Variants in USP26 observed in about 807,000 individuals in gnomAD.
USP26 encodes the protein ubiquitin specific peptidase 26.
For missense variants in USP26, 649 were observed against 642.3 expected (o/e 1.01, Z -0.11); for synonymous variants, 236 against 240.6 (o/e 0.98, Z 0.18).
At chrX:133,046,212 T>C (rs767477522) in intron 5 of USP26, among the ~76,000 whole-genome samples, 1 of 111,978 alleles carries the variant, frequency 8.9e-6, no homozygotes, top group East Asian at 2.8e-4. Context: ...GCATTTTCAT[T>C]TCCAAGGTAA....
At chrX:133,093,867 G>C (rs2067616912) in intron 1 of USP26, among the ~76,000 whole-genome samples, 1 of 104,508 alleles carries the variant, frequency 9.6e-6, no homozygotes, top group Non-Finnish European at 1.9e-5. Context: ...TTCAGTCCCA[G>C]CTACTCAGGA....
At chrX:133,060,495 G>A (rs1000398436) in intron 5 of USP26, among the ~76,000 whole-genome samples, 3 of 111,524 alleles carry the variant, frequency 2.7e-5, no homozygotes, top group African/African-American at 9.8e-5. Context: ...CATTATAACT[G>A]CACTTTAAAA....
At chrX:133,079,498 G>A (rs1175672293) in intron 5 of USP26, among the ~76,000 whole-genome samples, 1 of 111,976 alleles carries the variant, frequency 8.9e-6, no homozygotes, top group African/African-American at 3.2e-5. Context: ...TACCAAGTAT[G>A]AGATCTTAGA....
At chrX:133,054,510 T>C (rs2067469464) in intron 5 of USP26, among the ~76,000 whole-genome samples, 1 of 111,755 alleles carries the variant, frequency 8.9e-6, no homozygotes, top group African/African-American at 3.3e-5. Context: ...GAGACCTTTA[T>C]AGGAAAGCAG....
intron 1 of USP26, among the ~76,000 whole-genome samples, chrX:133,095,947 G>A: frequency 9.3e-6 from 1 of 107,745 alleles, no homozygotes; most frequent in Non-Finnish European, 1.9e-5. Context: ...GTTTCACCGT[G>A]TTGACCAGGC....
chrX:133,056,020 A>G (rs2067474010), intron 5 of USP26, among the ~76,000 whole-genome samples: 1 of 111,686 alleles, frequency 9.0e-6, no homozygotes, highest in Non-Finnish European at 1.9e-5. Context: ...TTGGGTTGGG[A>G]GTGAGTATGA....
Position 133,028,205 on chromosome X carries a change from G to A in USP26, c.16C>T (p.Leu6=). The A allele has an allele frequency of 1.7e-6, 2 of 1,207,522 alleles. No homozygotes were observed. The highest frequency in any genetic ancestry group is 2.2e-6 in the Non-Finnish European group (2 of 893,068). The part of the protein sequence containing the change: MAALF[L]RGFVQIGNCK... ...TTCCCTATTTGGACAAAACCACGTA[G>A]GAATAGGGCAGCCATGTTTTCTTTA... The change falls in exon 6 of 6, where the codon CTA becomes TTA. Residue 6 remains leucine, a synonymous_variant. Transcript: ENST00000511190.
intron 5 of USP26, among the ~76,000 whole-genome samples, chrX:133,030,924 C>T (rs1322160212): frequency 3.6e-5 from 4 of 111,845 alleles, no homozygotes; most frequent in Admixed American, 9.5e-5. Flanking sequence ...CTAGAAGGGT[C>T]GTTAGGCTCA....
At chrX:133,062,244 C>T (rs2067496090) in intron 5 of USP26, among the ~76,000 whole-genome samples, 1 of 111,605 alleles carries the variant, frequency 9.0e-6, no homozygotes, top group African/African-American at 3.3e-5. Flanking sequence ...CAGCCCCAGT[C>T]AGCGGCTTAT....
intron 5 of USP26, among the ~76,000 whole-genome samples, chrX:133,073,013 TA>T (rs1426644397): frequency 8.9e-6 from 1 of 111,947 alleles, no homozygotes; most frequent in Non-Finnish European, 1.9e-5. Context: ...AGAGTCCCTT[TA>T]AAACTAGGAT....
chrX:133,040,372 G>T (rs2067414368), intron 5 of USP26, among the ~76,000 whole-genome samples: 1 of 111,496 alleles, frequency 9.0e-6, no homozygotes, highest in Non-Finnish European at 1.9e-5. Context: ...AGGAGCTCTT[G>T]TAATGCAGGC....
intron 1 of USP26, among the ~76,000 whole-genome samples, chrX:133,096,574 G>A (rs1336222657): frequency 5.4e-5 from 6 of 112,031 alleles, no homozygotes; most frequent in Non-Finnish European, 1.9e-5. Context: ...CTCCCAATGG[G>A]AAGCTGATTC....
intron 5 of USP26, among the ~76,000 whole-genome samples, chrX:133,075,908 C>T (rs941049745): frequency 9.0e-6 from 1 of 111,653 alleles, no homozygotes; most frequent in Admixed American, 9.6e-5. Context: ...TTTAGAGTTG[C>T]ATTAGTCTAT....
intron 5 of USP26, among the ~76,000 whole-genome samples, chrX:133,082,782 C>T (rs1412651904): frequency 4.5e-5 from 5 of 111,449 alleles, no homozygotes; most frequent in African/African-American, 1.6e-4. Flanking sequence ...TTTGGGATCA[C>T]TTCTGACTCA....
chrX:133,075,885 G>A (rs1265801621), intron 5 of USP26, among the ~76,000 whole-genome samples: 2 of 111,625 alleles, frequency 1.8e-5, no homozygotes, highest in Non-Finnish European at 3.8e-5. Flanking sequence ...CTTTACACAC[G>A]TTATCCCATC....
At chrX:133,096,281 C>A (rs1264662075) in intron 1 of USP26, among the ~76,000 whole-genome samples, 1 of 109,034 alleles carries the variant, frequency 9.2e-6, no homozygotes, top group Admixed American at 1.0e-4. Context: ...GAGAAGCACT[C>A]TTCGTGGAAT....
At chrX:133,041,683 C>T (rs933141477) in intron 5 of USP26, among the ~76,000 whole-genome samples, 13 of 112,591 alleles carry the variant, frequency 1.2e-4, no homozygotes. Flanking sequence ...CAGGGACCCA[C>T]TTAAGGAGGC....
rs754665124 is a variant in USP26 at position 133,028,262 on chromosome X, T to A, written c.-42A>T. On this transcript the variant is annotated 5_prime_UTR_variant, in exon 6 of 6. Coordinates refer to ENST00000511190, the MANE Select transcript of USP26 (RefSeq NM_031907.3). The stretch of plus-strand genomic sequence containing the variant: ...AAATATACGTATCTCCGATTATTGA[T>A]AATCTTGAAGTTCCAATCTGTTTTG... 2.5e-6 allele frequency: 3 copies of A among 1,200,969 alleles called. No homozygotes were observed. The highest frequency in any genetic ancestry group is 3.4e-6 in the Non-Finnish European group (3 of 886,741).
chrX:133,034,561 CA>C (rs1291949218), intron 5 of USP26, among the ~76,000 whole-genome samples: 1 of 112,336 alleles, frequency 8.9e-6, no homozygotes, highest in African/African-American at 3.2e-5. Context: ...TTCTAACAAT[CA>C]GTATCTTTGA....
Sources: gnomAD v4.1 joint callset for allele counts (sites outside exome capture counted in the v4.1 genomes callset) on GRCh38, gnomAD v4.1.1 for gene constraint, MANE v1.5 for transcripts, NCBI Gene and HGNC (gene_info 2026-07-23, HGNC 2026-07-21) for gene names.